Variants in CHL1 observed in about 807,000 individuals in gnomAD.
CHL1 encodes the protein neural cell adhesion molecule L1-like protein.
In CHL1, 96 loss-of-function variants were observed where a neutral mutation model predicts 141.9. The observed-to-expected ratio is 0.68, with a 90% CI of 0.57 to 0.80. The LOEUF is 0.80. Ranked by LOEUF, CHL1 falls within the 30% of genes least tolerant of loss-of-function variation. The pLI, the probability that CHL1 is intolerant of heterozygous loss-of-function variation, is 0.00. For missense variants in CHL1, 1,820 were observed against 1,457.2 expected (o/e 1.25, Z -4.05); for synonymous variants, 613 against 502.2 (o/e 1.22, Z -2.95).
chr3:214,293 C>G (rs546533368), intron 1 of CHL1, among the ~76,000 whole-genome samples: 1 of 152,274 alleles, frequency 6.6e-6, no homozygotes, highest in Non-Finnish European at 1.5e-5. Context: ...GCCTGGTTTT[C>G]AGTCCTAGGC....
intron 23 of CHL1, among the ~76,000 whole-genome samples, chr3:393,411 C>T (rs957788835): frequency 3.3e-5 from 5 of 151,864 alleles, no homozygotes; most frequent in Non-Finnish European, 5.9e-5. Flanking sequence ...TCTCCTTATC[C>T]TAACAATAGG....
intron 2 of CHL1, among the ~76,000 whole-genome samples, chr3:279,119 A>T (rs1696412710): frequency 1.3e-5 from 2 of 152,250 alleles, no homozygotes; most frequent in African/African-American, 4.8e-5. Flanking sequence ...TTTAGTCTTT[A>T]AGTCTTAAAA....
At chr3:319,961 C>G (rs1700431820) in intron 3 of CHL1, 94 bp downstream of exon 3, 1 of 691,514 alleles carries the variant, frequency 1.4e-6, no homozygotes, top group East Asian at 2.8e-5. Flanking sequence ...TGTGACTTTT[C>G]TACCATATTT....
intron 15 of CHL1, among the ~76,000 whole-genome samples, chr3:370,148 T>G (rs1705439984): frequency 6.6e-6 from 1 of 152,146 alleles, no homozygotes; most frequent in South Asian, 2.1e-4. Flanking sequence ...TTTTCAATTG[T>G]GTGGAATAGT....
At chr3:248,442 T>C (rs1693380391) in intron 2 of CHL1, 1 of 152,130 alleles carries the variant, frequency 6.6e-6, no homozygotes. Context: ...TTTTTGTTGT[T>C]ACTGTCAGTC....
At chr3:308,319 G>A (rs1699427200) in intron 2 of CHL1, among the ~76,000 whole-genome samples, 1 of 152,086 alleles carries the variant, frequency 6.6e-6, no homozygotes, top group African/African-American at 2.4e-5. Context: ...TAATGAATAG[G>A]ATCTGGCAAC....
rs1190497973 is a variant in CHL1, at chr3:317,685, G to A, written c.-94-1998G>A. Among the ~76,000 whole-genome samples, 9 of 148,846 alleles carry A rather than the reference G, an allele frequency of 6.0e-5. No homozygotes were observed. In the South Asian group the frequency reaches 1.5e-3, roughly 24 times the overall value. On this transcript the variant is annotated intron_variant, in intron 2 of 27. Transcript: ENST00000256509. Reference sequence around the variant, plus strand: ...AAAAAAAACAGGAAAAAGAAAATTCGAAGGGGCAGGGCATTGATATTTTCC... The same window carrying A: ...AAAAAAAACAGGAAAAAGAAAATTCAAAGGGGCAGGGCATTGATATTTTCC...
intron 2 of CHL1, among the ~76,000 whole-genome samples, chr3:261,821 A>T (rs1432837979): frequency 6.6e-6 from 1 of 152,150 alleles, no homozygotes; most frequent in East Asian, 1.9e-4. Flanking sequence ...TTATAATTCA[A>T]TCTTCAATGT....
chr3:299,736 A>T (rs7650039), intron 2 of CHL1, among the ~76,000 whole-genome samples: 24,703 of 152,058 alleles, frequency 0.16, 2,411 homozygotes, highest in East Asian at 0.39. Context: ...AAGCTTGCAC[A>T]TTGTTCTCAC....
intron 5 of CHL1, among the ~76,000 whole-genome samples, chr3:336,050 A>G (rs1701837031): frequency 6.6e-6 from 1 of 152,212 alleles, no homozygotes; most frequent in Non-Finnish European, 1.5e-5. Flanking sequence ...CTTATGAATG[A>G]CGACACTGAA....
intron 11 of CHL1, among the ~76,000 whole-genome samples, chr3:360,054 G>T (rs938511812): frequency 6.6e-5 from 10 of 152,274 alleles, no homozygotes; most frequent in South Asian, 2.1e-4. Context: ...CAGATGAGCA[G>T]ATATTTTGTT....
At chr3:267,039 G>C (rs542230708) in intron 2 of CHL1, among the ~76,000 whole-genome samples, 1 of 152,204 alleles carries the variant, frequency 6.6e-6, no homozygotes, top group African/African-American at 2.4e-5. Flanking sequence ...TTTTTATGTT[G>C]ATGAATCTAT....
chr3:306,243 G>A (rs992717379), intron 2 of CHL1, among the ~76,000 whole-genome samples: 1 of 152,098 alleles, frequency 6.6e-6, no homozygotes, highest in African/African-American at 2.4e-5. Flanking sequence ...TGAGCCAAAG[G>A]AAATTATGAG....
chr3:198,560 AT>A (rs1698620426), intron 1 of CHL1, among the ~76,000 whole-genome samples: 2 of 152,142 alleles, frequency 1.3e-5, no homozygotes. Flanking sequence ...TAATACGGAG[AT>A]TATCGATACC....
At chr3:371,353 T>G (rs1411556687) in intron 15 of CHL1, among the ~76,000 whole-genome samples, 2 of 152,194 alleles carry the variant, frequency 1.3e-5, no homozygotes, top group African/African-American at 4.8e-5. Context: ...CCTTTACCAC[T>G]ATGTAATGCC....
chr3:339,734 A>T (rs766452806), intron 5 of CHL1, among the ~76,000 whole-genome samples: 2 of 152,236 alleles, frequency 1.3e-5, no homozygotes, highest in Non-Finnish European at 2.9e-5. Context: ...TTGAGGGGCT[A>T]TAGGACAAAT....
intron 1 of CHL1, among the ~76,000 whole-genome samples, chr3:217,268 T>C (rs1182861390): frequency 6.6e-6 from 1 of 152,076 alleles, no homozygotes; most frequent in Non-Finnish European, 1.5e-5. Flanking sequence ...AGGGTATATG[T>C]GTATACGTGT....
intron 4 of CHL1, among the ~76,000 whole-genome samples, chr3:327,632 A>C (rs147431057): frequency 8.6e-5 from 13 of 151,988 alleles, no homozygotes; most frequent in African/African-American, 2.4e-4. Flanking sequence ...TAGTAACCAT[A>C]TGACAGAAGA....
At chr3:280,505 A>G (rs561375757) in intron 2 of CHL1, among the ~76,000 whole-genome samples, 1 of 152,338 alleles carries the variant, frequency 6.6e-6, no homozygotes, top group Non-Finnish European at 1.5e-5. Context: ...TTAGATAAGA[A>G]TTAAAGTGCT....
Sources: allele counts gnomAD v4.1 joint callset (sites outside exome capture counted in the v4.1 genomes callset), GRCh38; gene constraint gnomAD v4.1.1; transcripts MANE v1.5; gene names NCBI Gene and HGNC (gene_info 2026-07-23, HGNC 2026-07-21).